The following CDKAL1 variants were observed in gnomAD, a reference collection of about 807,000 sequenced individuals.
CDKAL1 encodes threonylcarbamoyladenosine tRNA methylthiotransferase.
A neutral mutation model predicts 68.2 loss-of-function variants in CDKAL1; 32 were observed. That is an observed-to-expected ratio of 0.47 (90% CI 0.35 to 0.63). CDKAL1 has a LOEUF of 0.63. Ranked by LOEUF, CDKAL1 falls within the 30% of genes least tolerant of loss-of-function variation. The pLI, the probability that CDKAL1 is intolerant of heterozygous loss-of-function variation, is 0.00. For missense variants in CDKAL1, 606 were observed against 696.7 expected (o/e 0.87, Z 1.47); for synonymous variants, 234 against 244.3 (o/e 0.96, Z 0.39).
intron 4 of CDKAL1, among the ~76,000 whole-genome samples, chr6:20,572,674 G>A (rs909050440): frequency 6.6e-6 from 1 of 151,954 alleles, no homozygotes; most frequent in African/African-American, 2.4e-5. Flanking sequence ...GTTTTGTGGA[G>A]GCTAAAGAAG....
intron 8 of CDKAL1, among the ~76,000 whole-genome samples, chr6:20,798,665 A>G (rs1776217969): frequency 6.6e-6 from 1 of 151,628 alleles, no homozygotes; most frequent in African/African-American, 2.4e-5. Context: ...TCACAAGGAC[A>G]GAAAACCAAA....
chr6:20,948,094 T>C (rs1259845273), intron 9 of CDKAL1, among the ~76,000 whole-genome samples: 1 of 150,758 alleles, frequency 6.6e-6, no homozygotes, highest in African/African-American at 2.4e-5. Context: ...CATAGCTCAC[T>C]GTAACCTCAA....
intron 7 of CDKAL1, among the ~76,000 whole-genome samples, chr6:20,762,079 A>G (rs986895078): frequency 1.3e-5 from 2 of 152,172 alleles, no homozygotes; most frequent in Non-Finnish European, 2.9e-5. Flanking sequence ...AAACTACTCT[A>G]AAAAATAAAA....
intron 13 of CDKAL1, among the ~76,000 whole-genome samples, chr6:21,142,422 G>A (rs1227316914): frequency 6.6e-6 from 1 of 152,134 alleles, no homozygotes; most frequent in Non-Finnish European, 1.5e-5. Context: ...TAGAGTTTAT[G>A]GTAACATAAC....
chr6:20,929,165 G>T (rs1763314948), intron 9 of CDKAL1, among the ~76,000 whole-genome samples: 1 of 152,110 alleles, frequency 6.6e-6, no homozygotes, highest in African/African-American at 2.4e-5. Context: ...CAGTAGATAG[G>T]GAAAAGATCC....
chr6:20,652,706 T>C (rs1768829926), intron 5 of CDKAL1, among the ~76,000 whole-genome samples: 1 of 152,212 alleles, frequency 6.6e-6, no homozygotes, highest in African/African-American at 2.4e-5. Flanking sequence ...ACTCATTCTT[T>C]TTCCCCTTTA....
rs536748908 is a variant in CDKAL1 at position 20,693,373 on chromosome 6, G to A, written c.371+43996G>A. On this transcript the variant is annotated intron_variant, in intron 5 of 15. Transcript: ENST00000274695. ...ACCATTTCTGATAATTTGCCCAGTT[G>A]AAATAAGATAATTCTTTTATTCAAT... 9.2e-5 allele frequency among the ~76,000 whole-genome samples: 14 copies of A among 152,166 alleles called. No homozygotes were observed. The East Asian group carries it at 2.7e-3, about 29-fold the overall frequency.
intron 8 of CDKAL1, among the ~76,000 whole-genome samples, chr6:20,796,613 G>A (rs1459256610): frequency 6.6e-6 from 1 of 152,200 alleles, no homozygotes; most frequent in Non-Finnish European, 1.5e-5. Flanking sequence ...ATCAAGAGGT[G>A]TGGTAGTGGT....
intron 11 of CDKAL1, among the ~76,000 whole-genome samples, chr6:21,040,798 A>G (rs1409647289): frequency 1.3e-5 from 2 of 152,176 alleles, no homozygotes; most frequent in Non-Finnish European, 2.9e-5. Context: ...AATTAATTGC[A>G]TTGAATAATG....
chr6:20,544,639 TCTTA>T (rs1180088885), intron 2 of CDKAL1, among the ~76,000 whole-genome samples: 3 of 151,486 alleles, frequency 2.0e-5, no homozygotes, highest in Non-Finnish European at 2.9e-5. Flanking sequence ...GACCAGTTCT[TCTTA>T]CTTTACTCTT....
At chr6:20,749,152 G>C (rs1773804161) in intron 6 of CDKAL1, among the ~76,000 whole-genome samples, 1 of 152,114 alleles carries the variant, frequency 6.6e-6, no homozygotes, top group Admixed American at 6.5e-5. Flanking sequence ...AAAGAGCACT[G>C]TTTCACATTT....
At chr6:21,192,236 T>C (rs1374590144) in intron 13 of CDKAL1, among the ~76,000 whole-genome samples, 1 of 150,678 alleles carries the variant, frequency 6.6e-6, no homozygotes, top group Non-Finnish European at 1.5e-5. Flanking sequence ...TTAGCCAGGA[T>C]GGTCTCGATC....
intron 9 of CDKAL1, among the ~76,000 whole-genome samples, chr6:20,900,775 C>G (rs1761922320): frequency 1.3e-5 from 2 of 152,102 alleles, no homozygotes; most frequent in Non-Finnish European, 2.9e-5. Context: ...TGTAGTATCC[C>G]TGCCTAAGTA....
intron 4 of CDKAL1, among the ~76,000 whole-genome samples, chr6:20,616,250 C>A (rs1429918423): frequency 4.6e-5 from 7 of 152,166 alleles, no homozygotes; most frequent in East Asian, 1.9e-4. Flanking sequence ...CCTAGGATTG[C>A]CTTGGCGATG....
At chr6:20,750,338 G>T (rs1178208332) in intron 6 of CDKAL1, among the ~76,000 whole-genome samples, 9 of 151,984 alleles carry the variant, frequency 5.9e-5, no homozygotes, top group African/African-American at 2.2e-4. Flanking sequence ...CCCAAAGTAG[G>T]GACATTGTAT....
chr6:20,750,951 G>GAAAAAAAAAAAAAAA (rs59244637), intron 6 of CDKAL1, among the ~76,000 whole-genome samples: 1 of 47,076 alleles, frequency 2.1e-5, no homozygotes, highest in Non-Finnish European at 3.4e-5. Flanking sequence ...GCAACAGAGT[G>GAAAAAAAAAAAAAAA]AAAAAAAAAA....
At chr6:20,991,755 T>G (rs111887763) in intron 10 of CDKAL1, among the ~76,000 whole-genome samples, 21,671 of 144,312 alleles carry the variant, frequency 0.15, 2,085 homozygotes, top group Middle Eastern at 0.25. Flanking sequence ...GTGTCATGCA[T>G]CTGTCGTCCC....
intron 4 of CDKAL1, among the ~76,000 whole-genome samples, chr6:20,579,809 T>C (rs1381821861): frequency 1.3e-5 from 2 of 152,198 alleles, no homozygotes; most frequent in Non-Finnish European, 2.9e-5. Flanking sequence ...TTTGTAAAGA[T>C]TGACAGTATC....
At chr6:20,804,597 C>T (rs1026508607) in intron 8 of CDKAL1, among the ~76,000 whole-genome samples, 4 of 152,182 alleles carry the variant, frequency 2.6e-5, no homozygotes, top group Non-Finnish European at 5.9e-5. Context: ...CAGGAAACAG[C>T]CACATTCACT....
Sources: allele counts gnomAD v4.1 joint callset (sites outside exome capture counted in the v4.1 genomes callset), GRCh38; gene constraint gnomAD v4.1.1; transcripts MANE v1.5; gene names NCBI Gene and HGNC (gene_info 2026-07-23, HGNC 2026-07-21).